ALCAM: variants seen among roughly 807,000 people sequenced by gnomAD.
The protein encoded by ALCAM is activated leukocyte cell adhesion molecule.
ALCAM carries 30 observed loss-of-function variants against 70.9 expected under a neutral mutation model. The observed-to-expected ratio is 0.42, with a 90% CI of 0.32 to 0.57. The LOEUF (loss-of-function observed/expected upper bound fraction) is 0.57, where lower values mean the gene tolerates loss of function less well. Among genes scored for constraint, ALCAM ranks in the 20% least tolerant of loss-of-function variants. The probability of loss-of-function intolerance (pLI) is 0.11; values close to 1 mark genes in which losing one functional copy is unlikely to be tolerated. For missense variants in ALCAM, 591 were observed against 695.1 expected, an observed-to-expected ratio of 0.85 and a Z score of 1.68; for synonymous variants, 249 against 242.5, an observed-to-expected ratio of 1.03 and a Z score of -0.25.
chr3:105,521,083 T>C (rs558286936), intron 2 of ALCAM, among the ~76,000 whole-genome samples: 3 of 151,164 alleles, frequency 2.0e-5, no homozygotes, highest in African/African-American at 7.3e-5. Context: ...GGGTGGATCA[T>C]GAGGTCAGGA....
At chr3:105,498,176 G>A (rs1002485061) in intron 1 of ALCAM, among the ~76,000 whole-genome samples, 5 of 152,168 alleles carry the variant, frequency 3.3e-5, no homozygotes, top group African/African-American at 1.2e-4. Flanking sequence ...GAAGTAGGGA[G>A]GTGTAGTGGT....
intron 5 of ALCAM, 43 bp downstream of exon 5, chr3:105,533,733 C>A: frequency 6.4e-7 from 1 of 1,554,676 alleles, no homozygotes; most frequent in South Asian, 1.1e-5. Flanking sequence ...TTCAGAGGAC[C>A]TGTTCTGACT....
At chr3:105,483,459 C>T (rs1576193192) in intron 1 of ALCAM, among the ~76,000 whole-genome samples, 2 of 152,142 alleles carry the variant, frequency 1.3e-5, no homozygotes, top group African/African-American at 4.8e-5. Context: ...AATTTTGTTG[C>T]TTGTATAGAT....
intron 1 of ALCAM, among the ~76,000 whole-genome samples, chr3:105,495,465 A>T (rs1458256581): frequency 6.6e-6 from 1 of 152,238 alleles, no homozygotes; most frequent in Non-Finnish European, 1.5e-5. Context: ...ACAAAACATG[A>T]AGATGGGTAT....
At chr3:105,511,825 A>G (rs1939246543) in intron 1 of ALCAM, among the ~76,000 whole-genome samples, 1 of 151,976 alleles carries the variant, frequency 6.6e-6, no homozygotes, top group Non-Finnish European at 1.5e-5. Context: ...ACCAGAAGCT[A>G]GCATACCGGA....
chr3:105,431,240 GA>G (rs1404739678), intron 1 of ALCAM, among the ~76,000 whole-genome samples: 1 of 152,032 alleles, frequency 6.6e-6, no homozygotes, highest in Non-Finnish European at 1.5e-5. Context: ...AGACAACAAT[GA>G]AAATGTATTT....
intron 1 of ALCAM, among the ~76,000 whole-genome samples, chr3:105,516,134 T>C (rs931124881): frequency 6.6e-6 from 1 of 151,880 alleles, no homozygotes. Context: ...TCTCATTCTA[T>C]TTTCTGTATT....
chr3:105,459,615 C>T (rs1015648936), intron 1 of ALCAM, among the ~76,000 whole-genome samples: 2 of 151,836 alleles, frequency 1.3e-5, no homozygotes, highest in Non-Finnish European at 2.9e-5. Context: ...AGATTGTAAG[C>T]CCTTGAAGAT....
chr3:105,390,120 G>T (rs1459668540), intron 1 of ALCAM, among the ~76,000 whole-genome samples: 1 of 152,002 alleles, frequency 6.6e-6, no homozygotes, highest in East Asian at 1.9e-4. Context: ...GGATGGCTGG[G>T]TCAAATGGTA....
chr3:105,419,932 G>C (rs2107413150), intron 1 of ALCAM, among the ~76,000 whole-genome samples: 1 of 151,898 alleles, frequency 6.6e-6, no homozygotes, highest in Admixed American at 6.6e-5. Flanking sequence ...AGTGCCTACT[G>C]TGTGCCTGGC....
chr3:105,424,836 A>C (rs1037753536), intron 1 of ALCAM, among the ~76,000 whole-genome samples: 8 of 151,816 alleles, frequency 5.3e-5, no homozygotes, highest in Non-Finnish European at 1.0e-4. Flanking sequence ...GATAGACTAT[A>C]ATAGGTGAAT....
At chr3:105,481,981 A>G (rs1219141520) in intron 1 of ALCAM, among the ~76,000 whole-genome samples, 1 of 152,024 alleles carries the variant, frequency 6.6e-6, no homozygotes, top group Non-Finnish European at 1.5e-5. Context: ...CAACAAAAGT[A>G]TTATTTAACA....
At chr3:105,443,446 A>G (rs1453751090) in intron 1 of ALCAM, among the ~76,000 whole-genome samples, 1 of 152,224 alleles carries the variant, frequency 6.6e-6, no homozygotes, top group African/African-American at 2.4e-5. Context: ...GCTGAAAAAA[A>G]TATTGAGAAC....
intron 14 of ALCAM, among the ~76,000 whole-genome samples, chr3:105,560,583 G>A (rs1347252913): frequency 6.6e-6 from 1 of 152,086 alleles, no homozygotes; most frequent in Non-Finnish European, 1.5e-5. Flanking sequence ...CGTGCTTTTT[G>A]TGTCTACTAT....
At chr3:105,368,278 CCAA>C (rs1322470192) in intron 1 of ALCAM, among the ~76,000 whole-genome samples, 3 of 55,730 alleles carry the variant, frequency 5.4e-5, no homozygotes, top group Non-Finnish European at 1.2e-4. Flanking sequence ...GGCAAAATTC[CCAA>C]CAACTAAAAT....
chr3:105,393,737 C>T (rs1277628880), intron 1 of ALCAM, among the ~76,000 whole-genome samples: 1 of 151,866 alleles, frequency 6.6e-6, no homozygotes, highest in African/African-American at 2.4e-5. Flanking sequence ...GTAAAATATA[C>T]TACATGAATG....
intron 1 of ALCAM, among the ~76,000 whole-genome samples, chr3:105,459,833 C>T (rs1937579409): frequency 6.6e-6 from 1 of 152,042 alleles, no homozygotes; most frequent in African/African-American, 2.4e-5. Flanking sequence ...CATTTCTCCT[C>T]TTAGTTCCCG....
intron 1 of ALCAM, among the ~76,000 whole-genome samples, chr3:105,513,085 C>T (rs1184980431): frequency 6.8e-6 from 1 of 146,998 alleles, no homozygotes; most frequent in Non-Finnish European, 1.5e-5. Flanking sequence ...CTATCCCCCC[C>T]AAAGCACCCC....
In ALCAM at chr3:105,531,990, G is replaced by A. The variant is rs747658659; in HGVS notation, c.395-12G>A. ...ACATATGTACTTAAAATCTTTCTCT[G>A]CTTAACTTTAGAGCAACCATCTAAA... On this transcript the variant is annotated splice_polypyrimidine_tract_variant and intron_variant, in intron 3 of 15. Coordinates refer to ENST00000306107, the MANE Select transcript of ALCAM (RefSeq NM_001627.4). The A allele has an allele frequency of 6.2e-7, 1 of 1,611,660 alleles. No homozygotes were observed. Among genetic ancestry groups the A allele is most frequent in the Admixed American group, 1.7e-5 (1 of 59,972 alleles).
Sources: gnomAD v4.1 joint callset for allele counts (sites outside exome capture counted in the v4.1 genomes callset) on GRCh38, gnomAD v4.1.1 for gene constraint, MANE v1.5 for transcripts, NCBI Gene and HGNC (gene_info 2026-07-23, HGNC 2026-07-21) for gene names.